Variants in SLC26A7 observed in about 807,000 individuals in gnomAD.
SLC26A7 encodes anion exchange transporter.
In SLC26A7, 59 loss-of-function variants were observed where a neutral mutation model predicts 82.5. The ratio of observed to expected loss-of-function variants is 0.72; its 90% confidence interval spans 0.58 to 0.89. SLC26A7 has a LOEUF of 0.89. Ranked by LOEUF, SLC26A7 falls within the 40% of genes least tolerant of loss-of-function variation. SLC26A7 has a pLI of 0.00. For missense variants in SLC26A7, 820 were observed against 793.0 expected, an observed-to-expected ratio of 1.03 and a Z score of -0.41; for synonymous variants, 271 against 274.3, an observed-to-expected ratio of 0.99 and a Z score of 0.12.
chr8:91,340,315 C>CAGAGTCATTGCCACAGTT (rs1407664126), intron 7 of SLC26A7, 89 bp from the exon 8 acceptor site: 13 of 1,496,810 alleles, frequency 8.7e-6, no homozygotes, highest in Admixed American at 1.8e-5. Flanking sequence ...ATGTAAACTT[C>CAGAGTCATTGCCACAGTT]AGAGTCATTG....
intron 2 of SLC26A7, among the ~76,000 whole-genome samples, chr8:91,256,829 C>T (rs1810817209): frequency 6.6e-6 from 1 of 152,100 alleles, no homozygotes; most frequent in Non-Finnish European, 1.5e-5. Context: ...TATTATTCTA[C>T]TGAAGAGCAT....
At chr8:91,220,510 T>C (rs1456621231) in intron 2 of SLC26A7, among the ~76,000 whole-genome samples, 2 of 151,780 alleles carry the variant, frequency 1.3e-5, no homozygotes, top group Non-Finnish European at 2.9e-5. Context: ...TCATCCCCTA[T>C]CCCCCAGCAG....
chr8:91,296,104 C>A (rs911582026), intron 4 of SLC26A7, among the ~76,000 whole-genome samples: 4 of 152,102 alleles, frequency 2.6e-5, no homozygotes, highest in Admixed American at 1.3e-4. Flanking sequence ...GTGTCCTTCC[C>A]AGTTTTCAGA....
At chr8:91,222,079 G>A (rs996528257) in intron 2 of SLC26A7, among the ~76,000 whole-genome samples, 1 of 151,964 alleles carries the variant, frequency 6.6e-6, no homozygotes, top group Non-Finnish European at 1.5e-5. Context: ...CCTTGAAGAG[G>A]GCTTTCATGT....
At chr8:91,298,779 T>C (rs1470882451) in intron 4 of SLC26A7, among the ~76,000 whole-genome samples, 1 of 152,214 alleles carries the variant, frequency 6.6e-6, no homozygotes, top group Non-Finnish European at 1.5e-5. Context: ...CTAATGCTGC[T>C]ATGTATGTGT....
rs1808518317 is a variant in SLC26A7, at chr8:91,394,683, A to C, written c.1936-379A>C. On this transcript the variant is annotated intron_variant, in intron 18 of 18. Coordinates refer to ENST00000276609, the MANE Select transcript of SLC26A7 (RefSeq NM_052832.4). ...GAACAGTATGTATTTACAAAATAAT[A>C]ATAACACTATTATTATTAAATCTAA... 1.5e-5 allele frequency: 16 copies of C among 1,096,638 alleles called. No homozygotes were observed. In the South Asian group the frequency reaches 3.3e-4, roughly 23 times the overall value. 67.9% of individuals were successfully genotyped at this position (1,096,638 alleles called of 1,614,324 possible). A position where few individuals can be genotyped will look rare whatever the true frequency, so the allele number is the denominator to read the frequency against.
rs55732709 is a variant in SLC26A7, at chr8:91,225,643, G to GTTTTTTTTTTT, written c.-34+6660_-34+6670dup. On this transcript the variant is annotated intron_variant, in intron 2 of 5. Coordinates refer to the SLC26A7 transcript ENST00000522862. ...TCTTGGCCCTGCCCCCTAGAAAAGTGTTTTTTTTTTTTTTTTTTTTTTTTT... is the reference window on the plus strand; with the variant it reads ...TCTTGGCCCTGCCCCCTAGAAAAGTGTTTTTTTTTTTTTTTTTTTTTTTTTTTTTTTTTTTT... Among the ~76,000 whole-genome samples, 4 of 36,132 alleles carry GTTTTTTTTTTT rather than the reference G, an allele frequency of 1.1e-4. 1 individual carries two copies. The highest frequency in any genetic ancestry group is 2.4e-4 in the African/African-American group (2 of 8,180). The allele number at this position is 36,132 out of a possible 152,430, so 23.7% of individuals were successfully genotyped here.
At chr8:91,314,368 T>C (rs541598979) in intron 4 of SLC26A7, among the ~76,000 whole-genome samples, 4 of 152,334 alleles carry the variant, frequency 2.6e-5, no homozygotes, top group East Asian at 1.9e-4. Flanking sequence ...TTGCAAAGCC[T>C]GTGTTGCTTG....
chr8:91,303,532 G>A (rs188604357), intron 4 of SLC26A7, among the ~76,000 whole-genome samples: 60 of 152,240 alleles, frequency 3.9e-4, no homozygotes, highest in African/African-American at 1.4e-3. Flanking sequence ...AGTGGTTTGA[G>A]TATCTTTTAG....
At chr8:91,378,510 T>C (rs1327335054) in intron 15 of SLC26A7, among the ~76,000 whole-genome samples, 1 of 149,672 alleles carries the variant, frequency 6.7e-6, no homozygotes, top group Non-Finnish European at 1.5e-5. Context: ...GGTATATATA[T>C]GTTGTAATAA....
rs1563637500 is a variant in SLC26A7, at chr8:91,234,825, C to CCTTCCTTCCT, written c.-33-14794_-33-14793insCTTCCTTCCT. ...CCTACCTACCTACCTACCTACCTAC[C>CCTTCCTTCCT]TACTTCCTTCCTTCCTTCCTTCCTT... On this transcript the variant is annotated intron_variant, in intron 2 of 5. Transcript: ENST00000522862. Among the ~76,000 whole-genome samples the CCTTCCTTCCT allele has an allele frequency of 8.2e-3, 709 of 86,378 alleles. 3 individuals carry two copies. Among genetic ancestry groups the CCTTCCTTCCT allele is most frequent in the African/African-American group, 0.031 (657 of 21,404 alleles). 56.7% of individuals were successfully genotyped at this position (86,378 alleles called of 152,430 possible). A position where few individuals can be genotyped will look rare whatever the true frequency, so the allele number is the denominator to read the frequency against.
At chr8:91,340,614 C>A in intron 8 of SLC26A7, 63 bp downstream of exon 8, 1 of 1,588,842 alleles carries the variant, frequency 6.3e-7, no homozygotes, top group Non-Finnish European at 8.6e-7. Flanking sequence ...ACTCCCAGAT[C>A]CTAAAAATGA....
At chr8:91,248,300 A>G (rs776099176), upstream of SLC26A7, among the ~76,000 whole-genome samples, 1 of 152,142 alleles carries the variant, frequency 6.6e-6, no homozygotes, top group Admixed American at 6.6e-5. Flanking sequence ...AAAGCTAGAG[A>G]TGTCATCTTT....
At chr8:91,373,262 T>C (rs993893616) in intron 15 of SLC26A7, among the ~76,000 whole-genome samples, 1 of 152,052 alleles carries the variant, frequency 6.6e-6, no homozygotes, top group African/African-American at 2.4e-5. Context: ...AGTACTATGT[T>C]GAATAGGAGT....
chr8:91,358,787 T>C (rs1813958141), intron 11 of SLC26A7, among the ~76,000 whole-genome samples: 2 of 152,128 alleles, frequency 1.3e-5, no homozygotes, highest in Admixed American at 6.6e-5. Context: ...TGTAGGGACA[T>C]GGATGAAGCT....
rs933565735 is a variant in SLC26A7 at position 91,254,260 on chromosome 8, G to T, written c.193+4416G>T. Among the ~76,000 whole-genome samples the T allele has an allele frequency of 1.8e-4, 27 of 152,176 alleles. No homozygotes were observed. The Middle Eastern group carries it at 0.01, about 58-fold the overall frequency. On this transcript the variant is annotated intron_variant, in intron 2 of 18. Coordinates refer to ENST00000276609, the MANE Select transcript of SLC26A7 (RefSeq NM_052832.4). The stretch of plus-strand genomic sequence containing the variant: ...CCCACATCTCCATGCGGCAAAATCT[G>T]CAGGCCCTTAAGAGAGCCTCCTTGT...
intron 2 of SLC26A7, among the ~76,000 whole-genome samples, chr8:91,254,767 C>G (rs1278420739): frequency 6.6e-6 from 1 of 152,120 alleles, no homozygotes; most frequent in African/African-American, 2.4e-5. Flanking sequence ...CTAGAAACCA[C>G]TTGTATTTTT....
chr8:91,218,938 A>G (rs1476550495), exon 2 of SLC26A7: 1 of 1,551,038 alleles, frequency 6.4e-7, no homozygotes. Context: ...CCAAGTATTA[A>G]TTTGTTCTTA....
At chr8:91,312,634 G>GGT (rs776191671) in intron 4 of SLC26A7, among the ~76,000 whole-genome samples, 2 of 96,606 alleles carry the variant, frequency 2.1e-5, no homozygotes, top group African/African-American at 8.4e-5. Flanking sequence ...TGTGTATGTA[G>GGT]GTGTGTCTGT....
Sources: gnomAD v4.1 joint callset for allele counts (sites outside exome capture counted in the v4.1 genomes callset) on GRCh38, gnomAD v4.1.1 for gene constraint, MANE v1.5 for transcripts, NCBI Gene and HGNC (gene_info 2026-07-23, HGNC 2026-07-21) for gene names.